Variants in PALLD observed in about 807,000 individuals in gnomAD.
The protein encoded by PALLD is palladin, cytoskeletal associated protein.
In PALLD, 61 loss-of-function variants were observed where a neutral mutation model predicts 123.5. The observed-to-expected ratio is 0.49, with a 90% CI of 0.40 to 0.61. PALLD has a LOEUF of 0.61. Among genes scored for constraint, PALLD ranks in the 20% least tolerant of loss-of-function variants. The probability of loss-of-function intolerance (pLI) is 0.00; values close to 1 mark genes in which losing one functional copy is unlikely to be tolerated. For synonymous variants in PALLD, 465 were observed against 496.4 expected (o/e 0.94, Z 0.84); for missense variants, 1,273 against 1,377.0 (o/e 0.92, Z 1.20).
At chr4:168,753,239 G>A (rs150083367) in intron 10 of PALLD, among the ~76,000 whole-genome samples, 1 of 152,190 alleles carries the variant, frequency 6.6e-6, no homozygotes, top group African/African-American at 2.4e-5. Context: ...GGAGAAAGTA[G>A]GGAGGTATAT....
At chr4:168,516,143 T>C (rs1053085391) in intron 2 of PALLD, among the ~76,000 whole-genome samples, 1 of 152,330 alleles carries the variant, frequency 6.6e-6, no homozygotes, top group African/African-American at 2.4e-5. Context: ...GAAGAGCTGA[T>C]AGAAGAAAAC....
chr4:168,667,866 A>T (rs1419170966), intron 2 of PALLD, among the ~76,000 whole-genome samples: 1 of 152,224 alleles, frequency 6.6e-6, no homozygotes, highest in Non-Finnish European at 1.5e-5. Context: ...TAATAAATGG[A>T]GGAGGTATTT....
In PALLD at chr4:168,877,877, G is replaced by A. The variant is rs974999348; in HGVS notation, c.1965-13045G>A. The A allele has an allele frequency of 4.5e-5, 64 of 1,428,410 alleles. No individual in the cohort carries two copies. The African/African-American group carries it at 6.7e-4, about 15-fold the overall frequency. 88.5% of individuals were successfully genotyped at this position (1,428,410 alleles called of 1,614,324 possible). A position where few individuals can be genotyped will look rare whatever the true frequency, so the allele number is the denominator to read the frequency against. ...CGAGCTCGCGGCCTGCACGCCGCCC[G>A]CGTCCCCGGAGCCCATGAGCGCGCT... is the stretch of plus-strand genomic sequence containing the variant. On this transcript the variant is annotated intron_variant, in intron 10 of 21. Coordinates refer to ENST00000505667, the MANE Select transcript of PALLD (RefSeq NM_001166108.2).
At chr4:168,771,573 A>G (rs1452652522) in intron 10 of PALLD, among the ~76,000 whole-genome samples, 7 of 151,844 alleles carry the variant, frequency 4.6e-5, no homozygotes, top group South Asian at 4.2e-4. Flanking sequence ...CAGTCTGGGC[A>G]TTGACCTTCA....
intron 15 of PALLD, among the ~76,000 whole-genome samples, chr4:168,907,245 C>T (rs1263811867): frequency 6.6e-6 from 1 of 152,222 alleles, no homozygotes; most frequent in Non-Finnish European, 1.5e-5. Context: ...GAGACAGTAA[C>T]TACCCCATCT....
intron 10 of PALLD, among the ~76,000 whole-genome samples, chr4:168,823,642 G>A (rs1369789527): frequency 3.3e-5 from 5 of 151,912 alleles, no homozygotes; most frequent in African/African-American, 7.3e-5. Flanking sequence ...ATCATACCAC[G>A]GCACTCCATC....
At chr4:168,783,147 G>T (rs1736192101) in intron 10 of PALLD, among the ~76,000 whole-genome samples, 2 of 151,114 alleles carry the variant, frequency 1.3e-5, no homozygotes, top group South Asian at 2.1e-4. Context: ...GAAAGCAAAA[G>T]ATACCTTTAA....
chr4:168,735,931 T>G (rs1273124369), intron 10 of PALLD, among the ~76,000 whole-genome samples: 1 of 152,168 alleles, frequency 6.6e-6, no homozygotes, highest in Non-Finnish European at 1.5e-5. Flanking sequence ...TTACTCCTAT[T>G]AATAGCTGGG....
chr4:168,826,715 A>G (rs1405313435), intron 10 of PALLD, among the ~76,000 whole-genome samples: 1 of 152,262 alleles, frequency 6.6e-6, no homozygotes, highest in Non-Finnish European at 1.5e-5. Flanking sequence ...CCCACCTGCT[A>G]CATACCAAAC....
chr4:168,783,060 G>T (rs1581446046), intron 10 of PALLD, among the ~76,000 whole-genome samples: 6 of 147,844 alleles, frequency 4.1e-5, no homozygotes, highest in Non-Finnish European at 7.5e-5. Context: ...GTGTGTGTGT[G>T]TGTGTGTGTG....
At chr4:168,894,498 G>T in intron 11 of PALLD, 81 bp from the exon 12 acceptor site, 1 of 844,276 alleles carries the variant, frequency 1.2e-6, no homozygotes, top group Non-Finnish European at 2.0e-6. Context: ...AAAGTGTGTT[G>T]TTTTTTACTC....
At chr4:168,830,722 C>T (rs1744088985) in intron 10 of PALLD, among the ~76,000 whole-genome samples, 1 of 152,160 alleles carries the variant, frequency 6.6e-6, no homozygotes, top group Non-Finnish European at 1.5e-5. Context: ...TAATATTTTA[C>T]AGACATCGTT....
chr4:168,601,975 C>A (rs1420156375), intron 2 of PALLD, among the ~76,000 whole-genome samples: 2 of 152,158 alleles, frequency 1.3e-5, no homozygotes, highest in African/African-American at 4.8e-5. Flanking sequence ...AGCCTCTCTA[C>A]TTTCTAACCA....
Position 168,712,155 on chromosome 4 carries a change from C to T in PALLD, c.1964+232C>T, listed in dbSNP as rs10031759. 17,455 of 582,082 alleles carry T rather than the reference C, an allele frequency of 0.03. 1,805 individuals carry two copies. In the East Asian group the frequency reaches 0.31, roughly 10 times the overall value. 36.1% of individuals were successfully genotyped at this position (582,082 alleles called of 1,614,324 possible). ...TGCTGAAAGCTATAACTGGTTATGG[C>T]TGTGAAAATATCTGTGCCCAGTGTG... is the stretch of plus-strand genomic sequence containing the variant. On this transcript the variant is annotated intron_variant, in intron 10 of 21. Coordinates refer to ENST00000505667, the MANE Select transcript of PALLD (RefSeq NM_001166108.2).
rs1206197860 is a variant in PALLD, at chr4:168,679,005, T to G, written c.1088-2327T>G. ...GTACGGTGTGTGCGTGGTGTGGGTA[T>G]GTGTAGCATGGGTATAGTGTGTGGT... On this transcript the variant is annotated intron_variant, in intron 3 of 21. Coordinates refer to ENST00000505667, the MANE Select transcript of PALLD (RefSeq NM_001166108.2). Among the ~76,000 whole-genome samples, 5 of 133,420 alleles carry G rather than the reference T, an allele frequency of 3.7e-5. No individual in the cohort carries two copies. In the Admixed American group the frequency reaches 3.8e-4, roughly 10 times the overall value. 87.5% of individuals were successfully genotyped at this position (133,420 alleles called of 152,430 possible).
intron 10 of PALLD, among the ~76,000 whole-genome samples, chr4:168,788,205 T>C (rs552159765): frequency 6.7e-5 from 10 of 149,144 alleles, no homozygotes; most frequent in African/African-American, 2.5e-4. Flanking sequence ...AACCCAGGAA[T>C]TTTCCAAAGT....
chr4:168,501,105 T>TA (rs1162598407), intron 1 of PALLD, among the ~76,000 whole-genome samples: 62 of 152,242 alleles, frequency 4.1e-4, no homozygotes, highest in African/African-American at 1.3e-3. Flanking sequence ...TTAAGTGACA[T>TA]AAAATTCCTT....
chr4:168,521,523 G>A (rs1763561473), intron 2 of PALLD, among the ~76,000 whole-genome samples: 1 of 152,058 alleles, frequency 6.6e-6, no homozygotes, highest in African/African-American at 2.4e-5. Flanking sequence ...TATTTTAAAA[G>A]TTACTTATTA....
chr4:168,651,592 C>T (rs1232437495), intron 2 of PALLD, among the ~76,000 whole-genome samples: 6 of 151,952 alleles, frequency 3.9e-5, no homozygotes, highest in Non-Finnish European at 2.9e-5. Flanking sequence ...TTTTTCCCCC[C>T]CGCAAGGTTA....
Sources: allele counts gnomAD v4.1 joint callset (sites outside exome capture counted in the v4.1 genomes callset), GRCh38; gene constraint gnomAD v4.1.1; transcripts MANE v1.5; gene names NCBI Gene and HGNC (gene_info 2026-07-23, HGNC 2026-07-21).